The following MED12L variants were observed in gnomAD, a reference collection of about 807,000 sequenced individuals.
The protein encoded by MED12L is mediator of RNA polymerase II transcription subunit 12-like protein.
A neutral mutation model predicts 281.3 loss-of-function variants in MED12L; 60 were observed. That is an observed-to-expected ratio of 0.21 (90% CI 0.17 to 0.26). The LOEUF (loss-of-function observed/expected upper bound fraction) is 0.26. MED12L is among the 10% of genes least tolerant of loss of function. The pLI is 1.00. For synonymous variants in MED12L, 974 were observed against 987.2 expected, an observed-to-expected ratio of 0.99 and a Z score of 0.25; for missense variants, 2,146 against 2,680.9, an observed-to-expected ratio of 0.80 and a Z score of 4.41.
At chr3:151,239,425 C>T (rs979939598) in intron 16 of MED12L, among the ~76,000 whole-genome samples, 1 of 152,180 alleles carries the variant, frequency 6.6e-6, no homozygotes, top group Non-Finnish European at 1.5e-5. Context: ...TTAACCTAAA[C>T]ATTTTGCAAG....
intron 44 of MED12L, among the ~76,000 whole-genome samples, 157 bp downstream of exon 44, chr3:151,430,537 G>A (rs867459171): frequency 2.2e-4 from 34 of 151,748 alleles, no homozygotes; most frequent in African/African-American, 6.3e-4. Flanking sequence ...TTCTGTCTTC[G>A]TTTGGTTTTG....
chr3:151,304,097 A>G (rs1240216543), intron 16 of MED12L, among the ~76,000 whole-genome samples: 1 of 152,102 alleles, frequency 6.6e-6, no homozygotes, highest in African/African-American at 2.4e-5. Context: ...TTTTGGGGAG[A>G]GAAGCCTAAT....
intron 21 of MED12L, 104 bp downstream of exon 21, chr3:151,360,709 T>C: frequency 9.3e-7 from 1 of 1,074,680 alleles, no homozygotes; most frequent in Admixed American, 2.4e-5. Flanking sequence ...CTAATTGCAA[T>C]TGTATCTATT....
intron 26 of MED12L, 95 bp from the exon 27 acceptor site, chr3:151,372,471 TA>T: frequency 1.2e-6 from 1 of 851,286 alleles, no homozygotes; most frequent in Non-Finnish European, 1.9e-6. Flanking sequence ...ACTGTTCATA[TA>T]TTTTAAATCC....
At chr3:151,332,006 T>C (rs887819511) in intron 16 of MED12L, among the ~76,000 whole-genome samples, 3 of 152,200 alleles carry the variant, frequency 2.0e-5, no homozygotes, top group African/African-American at 7.2e-5. Flanking sequence ...TCTGGAGTTC[T>C]TGAGCTGAAA....
At position 151,378,087 on chromosome 3, in the gene MED12L, G is replaced by A; in HGVS notation, c.4392G>A (p.Val1464=). Residue 1464 remains valine (V), a synonymous_variant, in exon 31 of 45, where the codon GTG becomes GTA. Coordinates refer to ENST00000687756, the MANE Select transcript of MED12L (RefSeq NM_001393769.1). ...ARLPTSVQGR[V]LKAAGEELEK... ...TGCCAACTTCTGTGCAAGGAAGAGT[G>A]CTGAAAGCCGCTGGGGAAGAGCTGG... 6.2e-7 allele frequency: 1 copy of A among 1,611,624 alleles called. No individual in the cohort carries two copies. The highest frequency in any genetic ancestry group is 8.5e-7 in the Non-Finnish European group (1 of 1,178,588).
intron 31 of MED12L, among the ~76,000 whole-genome samples, chr3:151,379,790 T>C (rs1297885043): frequency 6.6e-6 from 1 of 152,222 alleles, no homozygotes; most frequent in African/African-American, 2.4e-5. Flanking sequence ...TTCTTTCTGA[T>C]GTACATTTTT....
intron 2 of MED12L, among the ~76,000 whole-genome samples, chr3:151,096,660 G>T (rs541743218): frequency 5.3e-5 from 8 of 152,302 alleles, no homozygotes; most frequent in African/African-American, 1.7e-4. Context: ...CTATTTTGGG[G>T]GGGGAAGCCA....
chr3:151,413,793 G>A (rs1052290283), intron 42 of MED12L, among the ~76,000 whole-genome samples: 12 of 151,944 alleles, frequency 7.9e-5, no homozygotes, highest in African/African-American at 2.9e-4. Flanking sequence ...TCTTGTCTTT[G>A]TTAGAATCCA....
chr3:151,213,942 C>G (rs760692274), intron 16 of MED12L: 12 of 1,614,130 alleles, frequency 7.4e-6, no homozygotes, highest in Non-Finnish European at 1.0e-5. Flanking sequence ...TCCAAAGAGG[C>G]TTTACAATTT....
At chr3:151,162,605 A>AT (rs1720141862) in intron 8 of MED12L, among the ~76,000 whole-genome samples, 1 of 150,974 alleles carries the variant, frequency 6.6e-6, no homozygotes, top group Non-Finnish European at 1.5e-5. Flanking sequence ...CACCCAGCTA[A>AT]TTTTTAAATT....
intron 16 of MED12L, among the ~76,000 whole-genome samples, chr3:151,215,458 A>C (rs1728023429): frequency 6.6e-6 from 1 of 152,150 alleles, no homozygotes; most frequent in African/African-American, 2.4e-5. Context: ...TTACTCTTAA[A>C]TTTAACTTAA....
intron 5 of MED12L, among the ~76,000 whole-genome samples, chr3:151,139,799 TG>T (rs1363277427): frequency 7.2e-6 from 1 of 139,602 alleles, no homozygotes; most frequent in African/African-American, 3.1e-5. Context: ...GAAAATAATT[TG>T]CTTTTGGAGA....
intron 21 of MED12L, among the ~76,000 whole-genome samples, chr3:151,364,471 GTGCCTC>G (rs1755038885): frequency 6.6e-6 from 1 of 152,180 alleles, no homozygotes; most frequent in African/African-American, 2.4e-5. Context: ...GACAAGGAAT[GTGCCTC>G]TCTTTTTCAC....
At chr3:151,300,287 C>T in intron 16 of MED12L, 1 of 618,492 alleles carries the variant, frequency 1.6e-6, no homozygotes, top group Non-Finnish European at 2.9e-6. Context: ...AAGCAATTGC[C>T]TCCACGATTC....
At chr3:151,357,132 TA>T (rs1386357141) in intron 19 of MED12L, 80 bp from the exon 20 acceptor site, 1 of 1,202,476 alleles carries the variant, frequency 8.3e-7, no homozygotes, top group East Asian at 2.5e-5. Flanking sequence ...TGACTCAGTA[TA>T]TCTATGGTTT....
Position 151,390,087 on chromosome 3 carries a change from C to A in MED12L, c.5560C>A (p.Gln1854Lys). The A allele has an allele frequency of 6.2e-7, 1 of 1,614,142 alleles. No homozygotes were observed. The highest frequency in any genetic ancestry group is 8.5e-7 in the Non-Finnish European group (1 of 1,179,986). Reference sequence around the variant, plus strand: ...CTTGTGGGGTTACAACCTCGTGGGCCAGCCCCAGCAGCCCGGCTTTTTCCT... The same window carrying A: ...CTTGTGGGGTTACAACCTCGTGGGCAAGCCCCAGCAGCCCGGCTTTTTCCT... ...STLWGYNLVG[Q>K]PQQPGFFLQN... The change falls in exon 38 of 45, where the codon CAG (glutamine) becomes AAG (lysine). Residue 1854 changes from glutamine to lysine, a missense_variant. Around this residue, in one of 9 missense-constraint regions of MED12L, gnomAD observed 496 missense variants for 512.0 expected, o/e 0.97. Coordinates refer to ENST00000687756, the MANE Select transcript of MED12L (RefSeq NM_001393769.1).
chr3:151,242,992 G>A (rs1384674702), intron 16 of MED12L, among the ~76,000 whole-genome samples: 4 of 151,750 alleles, frequency 2.6e-5, no homozygotes, highest in Admixed American at 6.6e-5. Context: ...GAGCCCATGC[G>A]ATCAACTGGA....
intron 16 of MED12L, chr3:151,212,606 C>T (rs1250007908): frequency 6.6e-6 from 1 of 151,896 alleles, no homozygotes; most frequent in East Asian, 1.9e-4. Context: ...GAACCCCAGG[C>T]TCATTAAATG....
Sources: gnomAD v4.1 joint callset for allele counts (sites outside exome capture counted in the v4.1 genomes callset) on GRCh38, gnomAD v4.1.1 for gene constraint, gnomAD v4.1.1 regional missense constraint, MANE v1.5 for transcripts, NCBI Gene and HGNC (gene_info 2026-07-23, HGNC 2026-07-21) for gene names.